ATAD2: variants seen among roughly 807,000 people sequenced by gnomAD.
ATAD2 encodes the protein ATPase family AAA domain-containing protein 2.
ATAD2 carries 62 observed loss-of-function variants against 168.9 expected under a neutral mutation model. The ratio of observed to expected loss-of-function variants is 0.37; its 90% confidence interval spans 0.30 to 0.45. The LOEUF (loss-of-function observed/expected upper bound fraction) is 0.45. ATAD2 is among the 20% of genes least tolerant of loss of function. The pLI, the probability that ATAD2 is intolerant of heterozygous loss-of-function variation, is 1.00. For missense variants in ATAD2, 1,419 were observed against 1,667.8 expected, an observed-to-expected ratio of 0.85 and a Z score of 2.60; for synonymous variants, 613 against 571.6, an observed-to-expected ratio of 1.07 and a Z score of -1.03.
intron 6 of ATAD2, among the ~76,000 whole-genome samples, chr8:123,370,591 T>C (rs1829122408): frequency 6.6e-6 from 1 of 152,104 alleles, no homozygotes; most frequent in Non-Finnish European, 1.5e-5. Flanking sequence ...AATTAAGTCC[T>C]AAATGGAATA....
At chr8:123,388,245 G>T (rs766221877) in intron 1 of ATAD2, among the ~76,000 whole-genome samples, 4 of 152,098 alleles carry the variant, frequency 2.6e-5, no homozygotes, top group Non-Finnish European at 4.4e-5. Flanking sequence ...ACCCAGGCTG[G>T]AGTACAGTGG....
chr8:123,401,451 T>G (rs1812998270), intron 1 of ATAD2: 1 of 1,459,248 alleles, frequency 6.9e-7, no homozygotes, highest in African/African-American at 1.4e-5. Context: ...CAAACAGAAG[T>G]ACTCCCACCT....
intron 1 of ATAD2, among the ~76,000 whole-genome samples, chr8:123,413,234 C>G (rs866471095): frequency 2.4e-4 from 36 of 150,396 alleles, no homozygotes; most frequent in Non-Finnish European, 2.5e-4. Flanking sequence ...GCCCCCCCCC[C>G]CCCAACTCCT....
At chr8:123,336,639 G>A in intron 21 of ATAD2, 107 bp from the exon 22 acceptor site, 1 of 822,384 alleles carries the variant, frequency 1.2e-6, no homozygotes, top group Non-Finnish European at 1.8e-6. Flanking sequence ...ATACGTAAGA[G>A]ATTATGATAA....
At chr8:123,401,684 C>T in intron 1 of ATAD2, 1 of 774,384 alleles carries the variant, frequency 1.3e-6, no homozygotes, top group Non-Finnish European at 2.3e-6. Context: ...GACTGTGGGG[C>T]ACGTCAAGGT....
intron 11 of ATAD2, 124 bp downstream of exon 11, chr8:123,359,097 T>C (rs1828733375): frequency 1.7e-6 from 1 of 603,178 alleles, no homozygotes; most frequent in Non-Finnish European, 2.8e-6. Context: ...GAGAGAAAAG[T>C]TGTATAATGA....
chr8:123,404,943 G>A (rs1813051065), intron 1 of ATAD2, among the ~76,000 whole-genome samples: 1 of 152,176 alleles, frequency 6.6e-6, no homozygotes, highest in Non-Finnish European at 1.5e-5. Context: ...CAAAGACCCT[G>A]TTTCCAAATC....
Position 123,371,009 on chromosome 8 carries a change from A to C in ATAD2, c.640-19T>G. ...GATTGCTCTAAAAATGTTTAAATAA[A>C]AGCCATTAACATTTGGAATCTATTT... On this transcript the variant is annotated intron_variant, in intron 5 of 27. Coordinates refer to ENST00000287394, the MANE Select transcript of ATAD2 (RefSeq NM_014109.4). 1 of 1,514,062 alleles carries C rather than the reference A, an allele frequency of 6.6e-7. No homozygotes were observed. The highest frequency in any genetic ancestry group is 2.3e-5 in the East Asian group (1 of 43,812). 93.8% of individuals were successfully genotyped at this position (1,514,062 alleles called of 1,614,324 possible). A position where few individuals can be genotyped will look rare whatever the true frequency, so the allele number is the denominator to read the frequency against.
At chr8:123,383,989 G>A (rs1475206893) in intron 1 of ATAD2, among the ~76,000 whole-genome samples, 2 of 151,668 alleles carry the variant, frequency 1.3e-5, no homozygotes, top group South Asian at 2.1e-4. Context: ...GCTGAGGCAG[G>A]AGAATTGCTC....
At position 123,349,479 on chromosome 8, in the gene ATAD2, C is replaced by T. The variant is rs371757768; in HGVS notation, c.1647-35G>A. 22 of 1,560,650 alleles carry T rather than the reference C, an allele frequency of 1.4e-5. No individual in the cohort carries two copies. In the South Asian group the frequency reaches 1.7e-4, roughly 12 times the overall value. ...AAAAATAAGAGAGAAGAGATTAATA[C>T]TATGAACACAGTCTATATCATTCAG... is the stretch of plus-strand genomic sequence containing the variant. On this transcript the variant is annotated intron_variant, in intron 13 of 27. Coordinates refer to ENST00000287394, the MANE Select transcript of ATAD2 (RefSeq NM_014109.4).
Position 123,336,335 on chromosome 8 carries a change from C to T in ATAD2, c.3211+38G>A. On this transcript the variant is annotated intron_variant, in intron 22 of 27. Coordinates refer to ENST00000287394, the MANE Select transcript of ATAD2 (RefSeq NM_014109.4). ...TCAACCCTAAGTGTTAGCTGCCCCC[C>T]AACTCAACCCCCTGAAAAAAAATTC... is the stretch of plus-strand genomic sequence containing the variant. 2.6e-6 allele frequency: 4 copies of T among 1,537,396 alleles called. No homozygotes were observed. The Admixed American group carries it at 6.6e-5, about 26-fold the overall frequency.
chr8:123,375,489 T>C (rs1829281680), intron 2 of ATAD2, among the ~76,000 whole-genome samples: 1 of 152,212 alleles, frequency 6.6e-6, no homozygotes, highest in Non-Finnish European at 1.5e-5. Context: ...GTGTTAGTAT[T>C]TGACTCAGCA....
At chr8:123,352,409 T>C (rs940925171) in intron 13 of ATAD2, 1 of 154,526 alleles carries the variant, frequency 6.5e-6, no homozygotes, top group African/African-American at 2.4e-5. Context: ...CTTCTGGGTA[T>C]TATGGAAGAG....
chr8:123,396,808 C>G (rs552766005), upstream of ATAD2, among the ~76,000 whole-genome samples: 1 of 152,156 alleles, frequency 6.6e-6, no homozygotes, highest in Admixed American at 6.5e-5. Flanking sequence ...GTCTCCTCCC[C>G]ACCCCTGTTG....
intron 12 of ATAD2, among the ~76,000 whole-genome samples, chr8:123,357,256 C>T (rs186784167): frequency 1.3e-5 from 2 of 152,244 alleles, no homozygotes; most frequent in African/African-American, 2.4e-5. Context: ...GTCTTTAACT[C>T]CCATACTGAG....
At position 123,344,929 on chromosome 8, in the gene ATAD2, T is replaced by C. The variant is rs1828189471; in HGVS notation, c.2673A>G (p.Leu891=). Reference sequence around the variant, plus strand: ...GGGGTTTGTCAGAAGTTGCAAGTAGTAAAACTGGAGCAAATGAAGGAATAT... The same window carrying C: ...GGGGTTTGTCAGAAGTTGCAAGTAGCAAAACTGGAGCAAATGAAGGAATAT... ...LQNIPSFAPV[L]LLATSDKPHS... The change falls in exon 19 of 28, where the codon TTA becomes TTG. Residue 891 remains leucine (L), a synonymous_variant. Transcript: ENST00000287394. 2 of 1,614,154 alleles carry C rather than the reference T, an allele frequency of 1.2e-6. No homozygotes were observed. The highest frequency in any genetic ancestry group is 3.3e-5 in the Admixed American group (2 of 60,018).
chr8:123,358,025 C>A (rs1429547615), intron 11 of ATAD2, among the ~76,000 whole-genome samples: 1 of 152,042 alleles, frequency 6.6e-6, no homozygotes, highest in African/African-American at 2.4e-5. Flanking sequence ...TCACATATCA[C>A]AATCATATAA....
intron 1 of ATAD2, among the ~76,000 whole-genome samples, chr8:123,386,192 C>T (rs1441030204): frequency 2.0e-5 from 3 of 152,116 alleles, no homozygotes; most frequent in Admixed American, 6.5e-5. Context: ...CTCAAAGAAG[C>T]GAATGCAGGG....
chr8:123,359,615 T>C lies in ATAD2; in HGVS notation c.1228A>G (p.Ser410Gly), dbSNP rs77226011. ...TGCATTGGATCAACATCGGCAAGGC[T>C]TGCTCCAATTTTCATTCGATCTTTA... ...IYKDRMKIGA[S>G]LADVDPMQLD... The change falls in exon 10 of 28, where the codon AGC (serine) becomes GGC (glycine). Residue 410 changes from serine to glycine, a missense_variant. This residue lies in a region of ATAD2 where 146 missense variants were observed against 188.3 expected (regional missense o/e 0.78). Coordinates refer to ENST00000287394, the MANE Select transcript of ATAD2 (RefSeq NM_014109.4). The C allele has an allele frequency of 1.7e-4, 276 of 1,613,564 alleles. 2 individuals are homozygous for C. In the East Asian group the frequency reaches 4.9e-3, roughly 29 times the overall value.
Sources: allele counts gnomAD v4.1 joint callset (sites outside exome capture counted in the v4.1 genomes callset), GRCh38; gene constraint gnomAD v4.1.1; regional missense constraint gnomAD v4.1.1; transcripts MANE v1.5; gene names NCBI Gene and HGNC (gene_info 2026-07-23, HGNC 2026-07-21).